Variants in THSD7A observed in about 807,000 individuals in gnomAD.
The protein encoded by THSD7A is thrombospondin type 1 domain containing 7A, also known as thrombospondin type-1 domain-containing protein 7A.
In THSD7A, 96 loss-of-function variants were observed where a neutral mutation model predicts 231.3. That is an observed-to-expected ratio of 0.41 (90% CI 0.35 to 0.49). The LOEUF (loss-of-function observed/expected upper bound fraction) is 0.49. Ranked by LOEUF, THSD7A falls within the 20% of genes least tolerant of loss-of-function variation. The pLI, the probability that THSD7A is intolerant of heterozygous loss-of-function variation, is 0.05. For missense variants in THSD7A, 2,290 were observed against 2,070.2 expected, an observed-to-expected ratio of 1.11 and a Z score of -2.06; for synonymous variants, 940 against 743.3, an observed-to-expected ratio of 1.26 and a Z score of -4.30.
chr7:11,542,971 C>T lies in THSD7A; in HGVS notation c.1600G>A (p.Gly534Arg), dbSNP rs1220483475. 1.9e-6 allele frequency: 3 copies of T among 1,610,720 alleles called. No homozygotes were observed. Among genetic ancestry groups the T allele is most frequent in the Admixed American group, 1.7e-5 (1 of 59,326 alleles). The change falls in exon 5 of 28, where the codon GGG becomes AGG. Residue 534 changes from glycine to arginine, a missense_variant. Physicochemically the swap from Gly to Arg is moderately radical, Grantham distance 125. Coordinates refer to ENST00000423059, the MANE Select transcript of THSD7A (RefSeq NM_015204.3). Reference sequence around the variant, plus strand: ...TGGTCACGTTACCTACCTTTTTTCCCTTGCTGATCATTACAGTTTTCATAA... The same window carrying T: ...TGGTCACGTTACCTACCTTTTTTCCTTTGCTGATCATTACAGTTTTCATAA... ...CTYENCNDQQ[G>R]KKGFKLRKRR...
intron 1 of THSD7A, among the ~76,000 whole-genome samples, chr7:11,829,004 T>C (rs976456678): frequency 6.6e-5 from 10 of 152,112 alleles, no homozygotes; most frequent in African/African-American, 2.4e-4. Flanking sequence ...TAATGAATAG[T>C]AAATATATTG....
intron 22 of THSD7A, among the ~76,000 whole-genome samples, chr7:11,402,879 G>C (rs1783454122): frequency 6.6e-6 from 1 of 152,146 alleles, no homozygotes; most frequent in African/African-American, 2.4e-5. Context: ...GGCATGTGGG[G>C]AGTTGTAAAT....
chr7:11,439,476 A>C (rs1475463249), intron 13 of THSD7A, among the ~76,000 whole-genome samples: 1 of 152,010 alleles, frequency 6.6e-6, no homozygotes. Context: ...ATCTGTAATC[A>C]GTGATCTTTG....
intron 1 of THSD7A, among the ~76,000 whole-genome samples, chr7:11,722,628 GT>G (rs1781398009): frequency 1.3e-5 from 2 of 151,680 alleles, no homozygotes; most frequent in Admixed American, 1.3e-4. Context: ...CAAATTATTT[GT>G]AAAAACCCTA....
intron 6 of THSD7A, among the ~76,000 whole-genome samples, chr7:11,495,490 C>A (rs1787060622): frequency 6.6e-6 from 1 of 152,128 alleles, no homozygotes; most frequent in African/African-American, 2.4e-5. Flanking sequence ...TACAAACTGA[C>A]ACCTTTACCT....
intron 17 of THSD7A, 96 bp from the exon 18 acceptor site, chr7:11,412,896 G>GA: frequency 5.0e-6 from 7 of 1,390,964 alleles, no homozygotes; most frequent in Non-Finnish European, 6.8e-6. Flanking sequence ...AGAACATTTG[G>GA]GCCACTGGCT....
chr7:11,536,963 C>T (rs1442228093), intron 6 of THSD7A, among the ~76,000 whole-genome samples: 1 of 152,092 alleles, frequency 6.6e-6, no homozygotes, highest in African/African-American at 2.4e-5. Flanking sequence ...TTATATATTG[C>T]ATACAAATTG....
chr7:11,804,782 A>T (rs1270971068), intron 1 of THSD7A, among the ~76,000 whole-genome samples: 1 of 152,122 alleles, frequency 6.6e-6, no homozygotes, highest in African/African-American at 2.4e-5. Flanking sequence ...TGTTTGCTTA[A>T]TGAGTTGCTT....
chr7:11,626,106 T>A (rs763852404), intron 2 of THSD7A, among the ~76,000 whole-genome samples: 4 of 152,084 alleles, frequency 2.6e-5, no homozygotes, highest in Non-Finnish European at 5.9e-5. Context: ...GACTTAAGTT[T>A]AGTCCCTTCC....
intron 6 of THSD7A, among the ~76,000 whole-genome samples, chr7:11,506,106 G>A (rs1562666100): frequency 6.6e-6 from 1 of 152,010 alleles, no homozygotes; most frequent in East Asian, 1.9e-4. Context: ...ACTTCAAAAG[G>A]GGGCCCTCCC....
At chr7:11,456,587 A>C (rs368990015) in intron 11 of THSD7A, among the ~76,000 whole-genome samples, 4 of 152,162 alleles carry the variant, frequency 2.6e-5, no homozygotes, top group Middle Eastern at 3.4e-3. Context: ...TTCTGACTAC[A>C]TCATTGGTTA....
At chr7:11,653,496 G>GTGTT (rs1782588338) in intron 1 of THSD7A, among the ~76,000 whole-genome samples, 1 of 144,770 alleles carries the variant, frequency 6.9e-6, no homozygotes, top group South Asian at 2.1e-4. Flanking sequence ...GTGTGTGTGT[G>GTGTT]TTTTCCCCAG....
intron 24 of THSD7A, 60 bp downstream of exon 24, chr7:11,382,461 A>G: frequency 4.5e-6 from 6 of 1,346,390 alleles, no homozygotes; most frequent in Non-Finnish European, 5.3e-6. Context: ...ATTTTCTTCA[A>G]CCAATCACAT....
At chr7:11,514,003 T>A (rs1021764046) in intron 6 of THSD7A, among the ~76,000 whole-genome samples, 4 of 151,986 alleles carry the variant, frequency 2.6e-5, no homozygotes, top group South Asian at 4.2e-4. Context: ...TCCTGCCATT[T>A]CTCAAACATG....
intron 4 of THSD7A, among the ~76,000 whole-genome samples, chr7:11,579,134 T>A (rs1791048068): frequency 6.6e-6 from 1 of 152,230 alleles, no homozygotes; most frequent in Non-Finnish European, 1.5e-5. Flanking sequence ...CCAAGATGAA[T>A]CTGTTGTTAC....
At position 11,820,343 on chromosome 7, in the gene THSD7A, CCTT is replaced by C. The variant is rs1784836179; in HGVS notation, c.190+11411_190+11413del. 7.1e-6 allele frequency: 7 copies of C among 988,340 alleles called. No individual in the cohort carries two copies. The South Asian group carries it at 1.8e-4, about 26-fold the overall frequency. 61.2% of individuals were successfully genotyped at this position (988,340 alleles called of 1,614,324 possible). A position where few individuals can be genotyped will look rare whatever the true frequency, so the allele number is the denominator to read the frequency against. On this transcript the variant is annotated intron_variant, in intron 1 of 27. Transcript: ENST00000423059. ...TACTCGGTTGTGGGCTGTAAATTGT[CCTT>C]CTCTTCTCTGTTCTCTGTCCCACTC... is the stretch of plus-strand genomic sequence containing the variant.
intron 11 of THSD7A, among the ~76,000 whole-genome samples, chr7:11,448,679 G>A (rs1219829177): frequency 6.6e-6 from 1 of 152,058 alleles, no homozygotes; most frequent in Non-Finnish European, 1.5e-5. Context: ...AATAGAGTGT[G>A]TAAATGGACA....
At chr7:11,714,994 A>G (rs1781089266) in intron 1 of THSD7A, among the ~76,000 whole-genome samples, 1 of 151,414 alleles carries the variant, frequency 6.6e-6, no homozygotes, top group African/African-American at 2.4e-5. Flanking sequence ...TATTTGGCGA[A>G]GTGGCTTCCA....
rs371660915 is a variant in THSD7A, at chr7:11,542,957, C to T, written c.1609+5G>A. 32 of 1,612,228 alleles carry T rather than the reference C, an allele frequency of 2.0e-5. No individual in the cohort carries two copies. The African/African-American group carries it at 3.6e-4, about 18-fold the overall frequency. On this transcript the variant is annotated splice_donor_5th_base_variant and intron_variant, in intron 5 of 27. Coordinates refer to ENST00000423059, the MANE Select transcript of THSD7A (RefSeq NM_015204.3). Reference sequence around the variant, plus strand: ...TAAAAGGCATGTCATGGTCACGTTACCTACCTTTTTTCCCTTGCTGATCAT... The same window carrying T: ...TAAAAGGCATGTCATGGTCACGTTATCTACCTTTTTTCCCTTGCTGATCAT...
Sources: gnomAD v4.1 joint callset for allele counts (sites outside exome capture counted in the v4.1 genomes callset) on GRCh38, gnomAD v4.1.1 for gene constraint, MANE v1.5 for transcripts, NCBI Gene and HGNC (gene_info 2026-07-23, HGNC 2026-07-21) for gene names.